Variants in DAPL1 observed in about 807,000 individuals in gnomAD.
DAPL1 encodes death-associated protein-like 1.
In DAPL1, 17 loss-of-function variants were observed where a neutral mutation model predicts 12.9. The observed-to-expected ratio is 1.32, with a 90% confidence interval of 0.90 to 1.98. DAPL1 has a LOEUF of 1.98. Ranked by LOEUF, DAPL1 falls within the 30% of genes most tolerant of loss-of-function variation. DAPL1 has a pLI of 0.00. For missense variants in DAPL1, 157 were observed against 125.7 expected, an observed-to-expected ratio of 1.25 and a Z score of -1.19; for synonymous variants, 51 against 42.0, an observed-to-expected ratio of 1.21 and a Z score of -0.82.
At chr2:158,807,242 AT>A in intron 3 of DAPL1, 127 bp downstream of exon 3, 1 of 549,098 alleles carries the variant, frequency 1.8e-6, no homozygotes, top group East Asian at 3.2e-5. Context: ...TTGTGAAAGA[AT>A]TTGTTCTCTG....
intron 1 of DAPL1, among the ~76,000 whole-genome samples, chr2:158,795,738 G>C (rs1037040436): frequency 1.3e-5 from 2 of 152,120 alleles, no homozygotes; most frequent in Non-Finnish European, 2.9e-5. Flanking sequence ...TTCCTTTCAC[G>C]GGGCCCTGGC....
At chr2:158,813,761 T>G (rs1234856963) in intron 3 of DAPL1, among the ~76,000 whole-genome samples, 1 of 152,160 alleles carries the variant, frequency 6.6e-6, no homozygotes, top group East Asian at 1.9e-4. Flanking sequence ...TTCACCGTGT[T>G]AGCCAGGATG....
At chr2:158,801,689 G>A (rs1168412985) in intron 1 of DAPL1, among the ~76,000 whole-genome samples, 4 of 152,066 alleles carry the variant, frequency 2.6e-5, no homozygotes, top group Admixed American at 2.6e-4. Context: ...ATGACCAAAT[G>A]GAGTTTATTC....
chr2:158,798,081 C>T (rs1490683062), intron 1 of DAPL1, among the ~76,000 whole-genome samples: 1 of 152,120 alleles, frequency 6.6e-6, no homozygotes, highest in Non-Finnish European at 1.5e-5. Flanking sequence ...AAGTTGACCC[C>T]AGGAAGCCAG....
intron 1 of DAPL1, among the ~76,000 whole-genome samples, chr2:158,802,340 G>A (rs764537480): frequency 6.6e-6 from 1 of 152,226 alleles, no homozygotes; most frequent in South Asian, 2.1e-4. Context: ...AAGAGCCAGA[G>A]TGACATCATT....
rs70994228 is a variant in DAPL1 at position 158,806,541 on chromosome 2, TA to T, written c.147-504del. Among the ~76,000 whole-genome samples the T allele has an allele frequency of 7.3e-3, 1,085 of 148,850 alleles. 14 individuals carry two copies. The highest frequency in any genetic ancestry group is 0.012 in the Non-Finnish European group (782 of 67,064). ...TGTATATCATATTTCAATAAAAAGG[TA>T]AAAAAAAAATGGCTAGGCACAGTGG... On this transcript the variant is annotated intron_variant, in intron 2 of 3. Coordinates refer to ENST00000309950, the MANE Select transcript of DAPL1 (RefSeq NM_001017920.3).
At chr2:158,802,808 A>G (rs2059175792) in intron 1 of DAPL1, among the ~76,000 whole-genome samples, 1 of 152,206 alleles carries the variant, frequency 6.6e-6, no homozygotes, top group South Asian at 2.1e-4. Context: ...GCAAGATCCA[A>G]GAACCTTTTT....
chr2:158,809,550 C>A (rs2059220030), intron 3 of DAPL1, among the ~76,000 whole-genome samples: 1 of 152,006 alleles, frequency 6.6e-6, no homozygotes, highest in African/African-American at 2.4e-5. Flanking sequence ...AGCTTTTTGT[C>A]CTGGGGCAGG....
chr2:158,804,549 T>C (rs890500155), intron 2 of DAPL1, among the ~76,000 whole-genome samples, 180 bp downstream of exon 2: 1 of 152,138 alleles, frequency 6.6e-6, no homozygotes, highest in South Asian at 2.1e-4. Context: ...GGTAGGTGGC[T>C]ACCCTCTGGA....
chr2:158,807,249 C>A, intron 3 of DAPL1, 134 bp downstream of exon 3: 1 of 524,638 alleles, frequency 1.9e-6, no homozygotes, highest in South Asian at 4.2e-5. Flanking sequence ...AGAATTTGTT[C>A]TCTGTCAGAG....
chr2:158,810,573 A>G (rs1482866120), intron 3 of DAPL1, among the ~76,000 whole-genome samples: 1 of 152,198 alleles, frequency 6.6e-6, no homozygotes, highest in Non-Finnish European at 1.5e-5. Context: ...TTGGAGATTG[A>G]AAAATAGTCC....
At chr2:158,799,965 G>A (rs2059157943) in intron 1 of DAPL1, among the ~76,000 whole-genome samples, 1 of 151,620 alleles carries the variant, frequency 6.6e-6, no homozygotes, top group South Asian at 2.1e-4. Context: ...TCGGGAGGCT[G>A]AGGCAGGAGA....
intron 1 of DAPL1, among the ~76,000 whole-genome samples, 178 bp downstream of exon 1, chr2:158,795,608 C>T (rs531257199): frequency 4.6e-5 from 7 of 152,320 alleles, no homozygotes; most frequent in Non-Finnish European, 7.4e-5. Flanking sequence ...TGTAAATCCA[C>T]CCGGGGATTT....
intron 1 of DAPL1, among the ~76,000 whole-genome samples, chr2:158,795,832 A>G (rs566568714): frequency 1.1e-4 from 17 of 152,128 alleles, no homozygotes; most frequent in Non-Finnish European, 2.4e-4. Flanking sequence ...CAGCTGTAAG[A>G]CTCAGTCTCC....
At position 158,801,001 on chromosome 2, in the gene DAPL1, C is replaced by T. The variant is rs531387040; in HGVS notation, c.59-3281C>T. On this transcript the variant is annotated intron_variant, in intron 1 of 3. Coordinates refer to ENST00000309950, the MANE Select transcript of DAPL1 (RefSeq NM_001017920.3). ...GGGACTACCGGCAATCGCCACCACA[C>T]CCAGCTAATTTTTGTATTTTTAGTA... Among the ~76,000 whole-genome samples, 22 of 152,280 alleles carry T rather than the reference C, an allele frequency of 1.4e-4. 2 individuals are homozygous for T. Among genetic ancestry groups the T allele is most frequent in the South Asian group, 1.2e-3 (6 of 4,828 alleles).
chr2:158,798,890 C>A (rs776295872), intron 1 of DAPL1, among the ~76,000 whole-genome samples: 12 of 152,044 alleles, frequency 7.9e-5, no homozygotes, highest in Admixed American at 2.0e-4. Flanking sequence ...AACCTTTGTG[C>A]CTTTCAGCTT....
At chr2:158,803,831 C>T (rs2059182732) in intron 1 of DAPL1, among the ~76,000 whole-genome samples, 1 of 152,072 alleles carries the variant, frequency 6.6e-6, no homozygotes, top group African/African-American at 2.4e-5. Context: ...GCTCATCTCT[C>T]AGAATCTGGC....
chr2:158,802,614 T>C (rs527551298), intron 1 of DAPL1, among the ~76,000 whole-genome samples: 91 of 152,234 alleles, frequency 6.0e-4, no homozygotes, highest in Admixed American at 1.4e-3. Context: ...TGTCATGTTG[T>C]CTGCTCACCT....
At chr2:158,795,557 G>A (rs2059130158) in intron 1 of DAPL1, 127 bp downstream of exon 1, 3 of 862,664 alleles carry the variant, frequency 3.5e-6, no homozygotes, top group Non-Finnish European at 5.6e-6. Flanking sequence ...ACTCCATGCA[G>A]CCTGACTTCC....
Sources: allele counts gnomAD v4.1 joint callset (sites outside exome capture counted in the v4.1 genomes callset), GRCh38; gene constraint gnomAD v4.1.1; transcripts MANE v1.5; gene names NCBI Gene and HGNC (gene_info 2026-07-23, HGNC 2026-07-21).